Variants in NTRK3 observed in about 807,000 individuals in gnomAD.
NTRK3 encodes the protein neurotrophic receptor tyrosine kinase 3.
In NTRK3, 24 loss-of-function variants were observed where a neutral mutation model predicts 91.7. The ratio of observed to expected loss-of-function variants is 0.26; its 90% CI spans 0.19 to 0.37. The LOEUF is 0.37. Ranked by LOEUF, NTRK3 falls within the 10% of genes least tolerant of loss-of-function variation. The pLI is 1.00. For missense variants in NTRK3, 880 were observed against 1,068.9 expected, an observed-to-expected ratio of 0.82 and a Z score of 2.46; for synonymous variants, 483 against 404.0, an observed-to-expected ratio of 1.20 and a Z score of -2.34.
intron 13 of NTRK3, among the ~76,000 whole-genome samples, chr15:88,103,442 C>A (rs919390560): frequency 6.6e-6 from 1 of 152,088 alleles, no homozygotes; most frequent in African/African-American, 2.4e-5. Context: ...CACACACACA[C>A]AACGACGGAC....
intron 3 of NTRK3, among the ~76,000 whole-genome samples, chr15:88,236,013 A>G (rs1226719288): frequency 6.6e-6 from 1 of 152,238 alleles, no homozygotes; most frequent in East Asian, 1.9e-4. Flanking sequence ...AAACTGTTAC[A>G]ACCACTTCGG....
At position 88,017,772 on chromosome 15, in the gene NTRK3, G is replaced by C. The variant is rs377244054; in HGVS notation, c.1585+15085C>G. Among the ~76,000 whole-genome samples the C allele has an allele frequency of 2.6e-5, 4 of 152,298 alleles. No individual in the cohort carries two copies. The South Asian group carries it at 6.2e-4, about 24-fold the overall frequency. ...TCTCTGTCAAACCAGCCATGATTTA[G>C]TTAAAGCTCCTAAGTAACAAATCCC... On this transcript the variant is annotated intron_variant, in intron 14 of 18. Transcript: ENST00000394480.
chr15:87,930,932 A>C (rs1457610422), intron 16 of NTRK3: 1 of 198,818 alleles, frequency 5.0e-6, no homozygotes, highest in Non-Finnish European at 1.0e-5. Flanking sequence ...AGGTCTTCAG[A>C]GTGTCAGCAA....
chr15:88,020,287 C>T (rs937387996), intron 14 of NTRK3, among the ~76,000 whole-genome samples: 1 of 152,176 alleles, frequency 6.6e-6, no homozygotes, highest in African/African-American at 2.4e-5. Flanking sequence ...GTTTCGGTCT[C>T]ATTAACCCAA....
chr15:88,253,582 T>C (rs886408628), intron 3 of NTRK3: 2 of 152,392 alleles, frequency 1.3e-5, no homozygotes, highest in South Asian at 4.1e-4. Flanking sequence ...AACAGGGCAC[T>C]GGGGAAAAGA....
chr15:87,931,808 C>T (rs577406781), intron 16 of NTRK3, among the ~76,000 whole-genome samples: 1 of 152,322 alleles, frequency 6.6e-6, no homozygotes, highest in South Asian at 2.1e-4. Flanking sequence ...AACCACGACA[C>T]CCTATTGAAT....
intron 14 of NTRK3, among the ~76,000 whole-genome samples, chr15:87,971,318 C>T (rs1359379583): frequency 6.6e-6 from 1 of 152,186 alleles, no homozygotes; most frequent in African/African-American, 2.4e-5. Context: ...AACCAGAGAG[C>T]ATCACAGATC....
At chr15:88,089,516 G>C (rs944289425) in intron 13 of NTRK3, among the ~76,000 whole-genome samples, 2 of 152,190 alleles carry the variant, frequency 1.3e-5, no homozygotes, top group African/African-American at 4.8e-5. Context: ...CTATTAAAAA[G>C]CATGTTGTCA....
At chr15:87,917,417 T>C (rs1472364822) in intron 17 of NTRK3, among the ~76,000 whole-genome samples, 1 of 152,166 alleles carries the variant, frequency 6.6e-6, no homozygotes, top group Non-Finnish European at 1.5e-5. Flanking sequence ...AAGGGTGAAA[T>C]AGATGACATT....
chr15:88,093,558 A>G (rs2049251834), intron 13 of NTRK3, among the ~76,000 whole-genome samples: 1 of 152,212 alleles, frequency 6.6e-6, no homozygotes, highest in Non-Finnish European at 1.5e-5. Flanking sequence ...GGATTTAAAT[A>G]GACAGGCTCT....
At chr15:87,959,792 A>C (rs950173118) in intron 14 of NTRK3, among the ~76,000 whole-genome samples, 1 of 152,200 alleles carries the variant, frequency 6.6e-6, no homozygotes, top group African/African-American at 2.4e-5. Context: ...GCAGTTTTGT[A>C]GGCTCTGTGA....
At chr15:87,968,234 A>G (rs529931390) in intron 14 of NTRK3, among the ~76,000 whole-genome samples, 6 of 152,324 alleles carry the variant, frequency 3.9e-5, no homozygotes, top group African/African-American at 1.2e-4. Context: ...TTTCAAATGC[A>G]GTGAATATGA....
intron 13 of NTRK3, among the ~76,000 whole-genome samples, chr15:88,070,154 C>G (rs943025305): frequency 6.6e-6 from 1 of 152,154 alleles, no homozygotes; most frequent in African/African-American, 2.4e-5. Flanking sequence ...AAACTGGCCT[C>G]TATGGGCAAT....
rs80166262 is a variant in NTRK3, at chr15:87,864,342, G to A, written c.*12593C>T. On this transcript the variant is annotated 3_prime_UTR_variant, in exon 19 of 19. Coordinates refer to ENST00000394480, the Ensembl canonical transcript of NTRK3. ...GAATACAATCAATCTTTTCTAGCCT[G>A]GAAAAGGAAGTATCCTAAGAAAGGC... The A allele has an allele frequency of 5.5e-3, 1,269 of 231,482 alleles. 14 individuals are homozygous for A. The highest frequency in any genetic ancestry group is 0.019 in the African/African-American group (850 of 45,352). The allele number at this position is 231,482 out of a possible 1,614,324, so 14.3% of individuals were successfully genotyped here.
intron 13 of NTRK3, among the ~76,000 whole-genome samples, chr15:88,048,827 C>A (rs1167599065): frequency 6.6e-6 from 1 of 152,174 alleles, no homozygotes; most frequent in African/African-American, 2.4e-5. Flanking sequence ...GCAAGAGCAA[C>A]AGATGGATGC....
intron 16 of NTRK3, among the ~76,000 whole-genome samples, chr15:87,931,944 C>T (rs542216906): frequency 4.7e-4 from 71 of 152,308 alleles, no homozygotes; most frequent in Admixed American, 1.2e-3. Flanking sequence ...TTGTGGTGGT[C>T]GCAGAGGCCA....
chr15:88,218,612 C>T (rs1396411121), intron 3 of NTRK3, among the ~76,000 whole-genome samples: 3 of 152,198 alleles, frequency 2.0e-5, no homozygotes, highest in African/African-American at 7.2e-5. Flanking sequence ...AGCTGGAGCC[C>T]TGTGCACCAC....
At chr15:87,862,042 T>C (rs1296217342) in exon 19 of NTRK3, 5 of 215,022 alleles carry the variant, frequency 2.3e-5, no homozygotes, top group Non-Finnish European at 4.7e-5. Context: ...TTTTTAAATA[T>C]GGGAAGGTTC....
chr15:87,925,602 C>T (rs1352892788), intron 17 of NTRK3: 2 of 212,024 alleles, frequency 9.4e-6, no homozygotes. Context: ...AGAGAGAATC[C>T]TTCACAGTAT....
Sources: allele counts gnomAD v4.1 joint callset (sites outside exome capture counted in the v4.1 genomes callset), GRCh38; gene constraint gnomAD v4.1.1; transcripts MANE v1.5; gene names NCBI Gene and HGNC (gene_info 2026-07-23, HGNC 2026-07-21).